The following ACSM6 variants were observed in gnomAD, a reference collection of about 807,000 sequenced individuals.
ACSM6 encodes the protein acyl-coenzyme A synthetase ACSM6, mitochondrial.
A neutral mutation model predicts 51.1 loss-of-function variants in ACSM6; 35 were observed. That is an observed-to-expected ratio of 0.69 (90% confidence interval 0.52 to 0.91). The LOEUF (loss-of-function observed/expected upper bound fraction) is 0.91, where lower values mean the gene tolerates loss of function less well. Among genes scored for constraint, ACSM6 ranks in the 40% least tolerant of loss-of-function variants. ACSM6 has a pLI of 0.00. For missense variants in ACSM6, 509 were observed against 584.1 expected (o/e 0.87, Z 1.32); for synonymous variants, 172 against 207.3 (o/e 0.83, Z 1.46).
At chr10:95,202,256 T>C (rs761821518) in intron 3 of ACSM6, 61 bp downstream of exon 3, 1 of 1,364,304 alleles carries the variant, frequency 7.3e-7, no homozygotes. Context: ...GCCTCAGTTA[T>C]TCACAGAATG....
At chr10:95,212,791 C>T in intron 6 of ACSM6, 67 bp from the exon 7 acceptor site, 2 of 1,293,580 alleles carry the variant, frequency 1.5e-6, no homozygotes, top group South Asian at 2.4e-5. Context: ...GCCTGGACCC[C>T]TGCCACAGTC....
At chr10:95,201,939 T>C in intron 2 of ACSM6, 46 bp from the exon 3 acceptor site, 2 of 1,516,278 alleles carry the variant, frequency 1.3e-6, no homozygotes, top group Non-Finnish European at 1.8e-6. Context: ...CCATAGCCAA[T>C]GTCCATGCTG....
exon 7 of ACSM6, chr10:95,212,925 A>G: frequency 6.2e-7 from 1 of 1,611,382 alleles, no homozygotes; most frequent in East Asian, 2.2e-5. Context: ...CTGCTTCAGC[A>G]CAAGTGTTTC....
chr10:95,224,809 G>A (rs1006314852), intron 9 of ACSM6, among the ~76,000 whole-genome samples: 73 of 152,182 alleles, frequency 4.8e-4, no homozygotes, highest in African/African-American at 1.6e-3. Flanking sequence ...TGCCAAATCT[G>A]TTTTTAAATT....
intron 5 of ACSM6, 46 bp from the exon 6 acceptor site, chr10:95,211,832 A>G: frequency 6.5e-7 from 1 of 1,533,630 alleles, no homozygotes; most frequent in Non-Finnish European, 8.8e-7. Flanking sequence ...TGTTGTTGCT[A>G]GTACCAGCAC....
At chr10:95,227,468 A>C (rs909018576) in intron 10 of ACSM6, among the ~76,000 whole-genome samples, 1 of 152,188 alleles carries the variant, frequency 6.6e-6, no homozygotes, top group Non-Finnish European at 1.5e-5. Flanking sequence ...TTTTGAGTTA[A>C]AGCCTAGGTA....
intron 9 of ACSM6, among the ~76,000 whole-genome samples, chr10:95,223,672 G>A (rs611371): frequency 0.53 from 79,999 of 151,808 alleles, 21,986 homozygotes; most frequent in Middle Eastern, 0.66. Flanking sequence ...ATGAAAGGGA[G>A]CTTTCTCAAC....
At chr10:95,197,362 C>A (rs563741067) in intron 2 of ACSM6, among the ~76,000 whole-genome samples, 231 of 151,488 alleles carry the variant, frequency 1.5e-3, no homozygotes, top group South Asian at 8.3e-3. Context: ...CTCTGAGTTC[C>A]CTCAGTTTTT....
At chr10:95,207,299 T>G (rs757234857) in exon 4 of ACSM6, 2 of 1,614,078 alleles carry the variant, frequency 1.2e-6, no homozygotes, top group Non-Finnish European at 8.5e-7. Flanking sequence ...TTGTGGCTAA[T>G]GAAGCTATGG....
At chr10:95,202,141 A>G in exon 3 of ACSM6, 1 of 1,552,286 alleles carries the variant, frequency 6.4e-7, no homozygotes. Flanking sequence ...GCTGATGATA[A>G]TCTTGCCCCC....
rs773800426 is a variant in ACSM6 at position 95,212,841 on chromosome 10, C to CT, written c.913-15dup. On this transcript the variant is annotated splice_polypyrimidine_tract_variant and intron_variant, in intron 6 of 10. Coordinates refer to ENST00000341686, the Ensembl canonical transcript of ACSM6. The stretch of plus-strand genomic sequence containing the variant: ...ACCTCACATGCAGATTTTGTTTTTC[C>CT]TTCCTTTGGGGCCCAGGTCCTGTCC... The CT allele has an allele frequency of 1.2e-6, 2 of 1,603,764 alleles. No individual in the cohort carries two copies.
chr10:95,219,378 G>A (rs815258), intron 8 of ACSM6, among the ~76,000 whole-genome samples: 78,573 of 150,638 alleles, frequency 0.52, 21,256 homozygotes, highest in Middle Eastern at 0.66. Flanking sequence ...TTAAAAAAAA[G>A]GCACTAAAAA....
At chr10:95,215,262 A>G (rs1018679677) in intron 8 of ACSM6, among the ~76,000 whole-genome samples, 2 of 152,242 alleles carry the variant, frequency 1.3e-5, no homozygotes, top group African/African-American at 4.8e-5. Context: ...TGTGATAAGA[A>G]TGAAAAAATG....
chr10:95,207,427 C>A lies in ACSM6; in HGVS notation c.611+12C>A. On this transcript the variant is annotated intron_variant, in intron 4 of 10. Coordinates refer to ENST00000341686, the Ensembl canonical transcript of ACSM6. ...AAGAAGTTGATTCAGTAAGTGGACA[C>A]TGAATATGAGATGCTTAAATGAAGG... 6.2e-7 allele frequency: 1 copy of A among 1,609,288 alleles called. No individual in the cohort carries two copies. The highest frequency in any genetic ancestry group is 1.1e-5 in the South Asian group (1 of 90,982).
At chr10:95,228,866 A>G in exon 11 of ACSM6, 4 of 1,299,242 alleles carry the variant, frequency 3.1e-6, no homozygotes, top group Non-Finnish European at 3.0e-6. Flanking sequence ...TAGGAATTAT[A>G]TTTCTAAAGT....
At chr10:95,225,326 G>A (rs1415401988) in exon 10 of ACSM6, 15 of 1,551,604 alleles carry the variant, frequency 9.7e-6, no homozygotes, top group Non-Finnish European at 1.1e-5. Context: ...GCCTCCAGGG[G>A]AAGAAGGAAA....
intron 9 of ACSM6, among the ~76,000 whole-genome samples, chr10:95,220,523 T>C (rs1398743874): frequency 1.3e-5 from 2 of 152,228 alleles, no homozygotes; most frequent in Non-Finnish European, 2.9e-5. Context: ...GCAGCACTTA[T>C]GAAATTACCA....
chr10:95,226,129 T>C (rs112925663), intron 10 of ACSM6: 2 of 152,374 alleles, frequency 1.3e-5, no homozygotes, highest in Admixed American at 6.5e-5. Context: ...CCATTTCCAT[T>C]GTAAAGGTAC....
chr10:95,206,771 CAAG>C (rs909276152), intron 3 of ACSM6, among the ~76,000 whole-genome samples: 8 of 152,128 alleles, frequency 5.3e-5, no homozygotes, highest in African/African-American at 1.9e-4. Flanking sequence ...AGAAACAGCC[CAAG>C]AAGAGAGGCA....
Sources: gnomAD v4.1 joint callset for allele counts (sites outside exome capture counted in the v4.1 genomes callset) on GRCh38, gnomAD v4.1.1 for gene constraint, MANE v1.5 for transcripts, NCBI Gene and HGNC (gene_info 2026-07-23, HGNC 2026-07-21) for gene names.